The following GAS7 variants were observed in gnomAD, a reference collection of about 807,000 sequenced individuals.
The protein encoded by GAS7 is growth arrest-specific protein 7.
GAS7 carries 28 observed loss-of-function variants against 71.1 expected under a neutral mutation model. The observed-to-expected ratio is 0.39, with a 90% CI of 0.29 to 0.54. GAS7 has a LOEUF of 0.54. GAS7 is among the 20% of genes least tolerant of loss of function. GAS7 has a pLI of 0.62. For synonymous variants in GAS7, 258 were observed against 245.8 expected (o/e 1.05, Z -0.46); for missense variants, 436 against 627.8 (o/e 0.69, Z 3.27).
Position 9,981,399 on chromosome 17 carries a change from GT to G in GAS7, c.385+404del, listed in dbSNP as rs2070405528. On this transcript the variant is annotated intron_variant, in intron 3 of 13. Coordinates refer to ENST00000432992, the MANE Select transcript of GAS7 (RefSeq NM_201433.2). The surrounding 1 kb of genome is among the most constrained non-coding windows in gnomAD (Gnocchi z 4.4). Reference sequence around the variant, plus strand: ...ACCCTCAAAAGGTCTCCCTCACACTGTTTCAGGTGTTTTATTTGAAAGCTGC... The same window carrying G: ...ACCCTCAAAAGGTCTCCCTCACACTGTTCAGGTGTTTTATTTGAAAGCTGC... Among the ~76,000 whole-genome samples, 1 of 152,086 alleles carries G rather than the reference GT, an allele frequency of 6.6e-6. No homozygotes were observed. The highest frequency in any genetic ancestry group is 2.4e-5 in the African/African-American group (1 of 41,412).
At chr17:10,001,877 G>C (rs2152166269) in intron 2 of GAS7, among the ~76,000 whole-genome samples, 1 of 152,180 alleles carries the variant, frequency 6.6e-6, no homozygotes, top group South Asian at 2.1e-4. Context: ...GCTCTTCTAA[G>C]CAAGAGCCTG....
intron 1 of GAS7, among the ~76,000 whole-genome samples, chr17:10,022,603 A>T (rs528304702): frequency 6.6e-6 from 1 of 152,212 alleles, no homozygotes; most frequent in Admixed American, 6.5e-5. Context: ...AATCTGTGAA[A>T]CGAAGGGTGA....
chr17:10,144,839 C>G (rs796246252), intron 1 of GAS7, among the ~76,000 whole-genome samples: 4 of 152,180 alleles, frequency 2.6e-5, no homozygotes, highest in Non-Finnish European at 5.9e-5. Flanking sequence ...TGAGCCACTG[C>G]GCCTGGCCAG....
rs16958993 is a variant in GAS7, at chr17:9,917,514, C to A, written c.1318-173G>T. On this transcript the variant is annotated intron_variant, in intron 13 of 13. Transcript: ENST00000432992. ...GACAGCACATGAAGAGGGCTGTGAA[C>A]GGGGAACCCAGTATGCATCCCGACC... 0.084 allele frequency among the ~76,000 whole-genome samples: 12,815 copies of A among 152,168 alleles called. 1,091 individuals are homozygous for A. Among genetic ancestry groups the A allele is most frequent in the African/African-American group, 0.22 (9,168 of 41,494 alleles).
intron 1 of GAS7, among the ~76,000 whole-genome samples, chr17:10,178,430 C>A (rs1174716524): frequency 6.6e-6 from 1 of 151,994 alleles, no homozygotes; most frequent in Non-Finnish European, 1.5e-5. Flanking sequence ...GGCTTCATGT[C>A]CACTCCGGCT....
intron 1 of GAS7, among the ~76,000 whole-genome samples, chr17:10,158,453 C>G (rs992394302): frequency 2.0e-5 from 3 of 151,070 alleles, no homozygotes; most frequent in African/African-American, 7.3e-5. Context: ...TCAAGACCAG[C>G]CTGGGTAACA....
chr17:9,917,885 G>T, intron 13 of GAS7, 116 bp downstream of exon 13: 2 of 705,186 alleles, frequency 2.8e-6, no homozygotes, highest in Non-Finnish European at 4.8e-6. Context: ...CCTGCCCACT[G>T]CCCGCCTTTA....
chr17:9,927,093 A>G (rs1037097324), intron 9 of GAS7: 34 of 279,798 alleles, frequency 1.2e-4, no homozygotes, highest in Admixed American at 2.3e-4. Context: ...ATTTTTTACT[A>G]TTTATGGTTT....
rs1026914086 is a variant in GAS7 at position 10,103,696 on chromosome 17, C to T, written c.184-83799G>A. Among the ~76,000 whole-genome samples, 1 of 152,020 alleles carries T rather than the reference C, an allele frequency of 6.6e-6. No individual in the cohort carries two copies. The highest frequency in any genetic ancestry group is 1.5e-5 in the Non-Finnish European group (1 of 68,012). The stretch of plus-strand genomic sequence containing the variant: ...CAAAAATTAGCTGGGTGTGGTGGCA[C>T]ATGCCTGTAATCCCGGCTACTAGGG... On this transcript the variant is annotated intron_variant, in intron 1 of 13. Transcript: ENST00000432992. The surrounding 1 kb of genome is among the most constrained non-coding windows in gnomAD (Gnocchi z 5.5).
At chr17:10,127,848 G>C (rs969582315) in intron 1 of GAS7, among the ~76,000 whole-genome samples, 2 of 152,176 alleles carry the variant, frequency 1.3e-5, no homozygotes, top group Admixed American at 1.3e-4. Flanking sequence ...TGGAAATGCT[G>C]ATTAAACACC....
chr17:10,182,790 C>T (rs1189685044), intron 1 of GAS7, among the ~76,000 whole-genome samples: 2 of 152,230 alleles, frequency 1.3e-5, no homozygotes, highest in African/African-American at 4.8e-5. Context: ...TCCACAGCAA[C>T]ACTTTAAAAA....
intron 2 of GAS7, among the ~76,000 whole-genome samples, chr17:10,018,546 G>A (rs1019186409): frequency 1.3e-5 from 2 of 152,154 alleles, no homozygotes; most frequent in African/African-American, 4.8e-5. Flanking sequence ...TTTGTTTTGA[G>A]GAAGTGTAAG....
At chr17:9,935,378 T>G (rs1432942318) in intron 8 of GAS7, among the ~76,000 whole-genome samples, 1 of 152,166 alleles carries the variant, frequency 6.6e-6, no homozygotes, top group African/African-American at 2.4e-5. Flanking sequence ...CAGGCTACAT[T>G]CTCTATGATT....
intron 1 of GAS7, among the ~76,000 whole-genome samples, chr17:10,138,934 G>GA (rs933852275): frequency 2.0e-5 from 3 of 151,962 alleles, no homozygotes; most frequent in African/African-American, 2.4e-5. Context: ...TTTCAAAAAT[G>GA]AAAAAAATAT....
chr17:9,953,707 C>T (rs575872817), intron 5 of GAS7, among the ~76,000 whole-genome samples: 23 of 152,352 alleles, frequency 1.5e-4, no homozygotes, highest in South Asian at 6.2e-4. Flanking sequence ...CCACGTGCTA[C>T]GCTAGCTCTT....
intron 1 of GAS7, chr17:10,059,637 T>G (rs374847286): frequency 4.1e-6 from 4 of 967,422 alleles, no homozygotes; most frequent in East Asian, 2.3e-4. Context: ...CCTGGTCCAA[T>G]TAGCTTCGAG....
chr17:10,057,643 G>C (rs536940883), intron 1 of GAS7, among the ~76,000 whole-genome samples: 1 of 143,938 alleles, frequency 6.9e-6, no homozygotes, highest in Admixed American at 6.9e-5. Context: ...AGCAGCCCCC[G>C]CCCCGCCAGC....
chr17:9,988,624 T>C (rs1021116671), intron 2 of GAS7, among the ~76,000 whole-genome samples: 1 of 151,734 alleles, frequency 6.6e-6, no homozygotes, highest in Non-Finnish European at 1.5e-5. Context: ...GAGGCGGAGG[T>C]TGTGGTGAGC....
intron 1 of GAS7, among the ~76,000 whole-genome samples, chr17:10,174,097 G>A (rs113374531): frequency 7.9e-5 from 12 of 152,282 alleles, no homozygotes; most frequent in African/African-American, 2.2e-4. Context: ...TGTCATAGGC[G>A]TTTCAGGACA....
Sources: allele counts gnomAD v4.1 joint callset (sites outside exome capture counted in the v4.1 genomes callset), GRCh38; gene constraint gnomAD v4.1.1; non-coding constraint Gnocchi (gnomAD v3.1); transcripts MANE v1.5; gene names NCBI Gene and HGNC (gene_info 2026-07-23, HGNC 2026-07-21).